The following EDIL3 variants were observed in gnomAD, a reference collection of about 807,000 sequenced individuals.
EDIL3 encodes the protein EGF-like repeat and discoidin I-like domain-containing protein 3.
In EDIL3, 37 loss-of-function variants were observed where a neutral mutation model predicts 67.4. That is an observed-to-expected ratio of 0.55 (90% CI 0.42 to 0.72). EDIL3 has a LOEUF of 0.72. EDIL3 is among the 30% of genes least tolerant of loss of function. The probability of loss-of-function intolerance (pLI) is 0.00; values close to 1 mark genes in which losing one functional copy is unlikely to be tolerated. For synonymous variants in EDIL3, 195 were observed against 196.3 expected, an observed-to-expected ratio of 0.99 and a Z score of 0.05; for missense variants, 527 against 586.3, an observed-to-expected ratio of 0.90 and a Z score of 1.04.
In EDIL3 at chr5:83,951,679, T is replaced by C. The variant is rs941827746; in HGVS notation, c.1294-8111A>G. ...TGACATGAAAGCTGGTTTGGGAACA[T>C]ATTTCTTCATTGGGAAAGAGAACTG... is the stretch of plus-strand genomic sequence containing the variant. On this transcript the variant is annotated intron_variant, in intron 10 of 10. Coordinates refer to ENST00000296591, the MANE Select transcript of EDIL3 (RefSeq NM_005711.5). Among the ~76,000 whole-genome samples the C allele has an allele frequency of 2.0e-4, 31 of 151,758 alleles. 2 individuals carry two copies. The highest frequency in any genetic ancestry group is 2.9e-5 in the Non-Finnish European group (2 of 67,814).
intron 2 of EDIL3, among the ~76,000 whole-genome samples, chr5:84,236,900 G>C (rs946602335): frequency 4.6e-5 from 7 of 151,630 alleles, no homozygotes; most frequent in African/African-American, 1.5e-4. Flanking sequence ...TAATATAAAT[G>C]ATTTCTCAGA....
intron 9 of EDIL3, among the ~76,000 whole-genome samples, chr5:83,972,225 G>A (rs1034037101): frequency 6.6e-6 from 1 of 152,110 alleles, no homozygotes; most frequent in Non-Finnish European, 1.5e-5. Context: ...GGTTTACTCT[G>A]TCTGCAAATG....
At chr5:84,343,384 C>G (rs1747164671) in intron 1 of EDIL3, among the ~76,000 whole-genome samples, 1 of 151,982 alleles carries the variant, frequency 6.6e-6, no homozygotes, top group South Asian at 2.1e-4. Flanking sequence ...AACAATGGAT[C>G]AGGTCTTTAA....
intron 6 of EDIL3, among the ~76,000 whole-genome samples, chr5:84,073,425 C>A (rs1203198775): frequency 1.3e-5 from 2 of 152,138 alleles, no homozygotes; most frequent in African/African-American, 4.8e-5. Flanking sequence ...TTGCAGATGA[C>A]ATGATTGTAT....
At chr5:84,015,962 G>T (rs1183728574) in intron 9 of EDIL3, among the ~76,000 whole-genome samples, 1 of 152,058 alleles carries the variant, frequency 6.6e-6, no homozygotes, top group Non-Finnish European at 1.5e-5. Context: ...TGGCATGGGG[G>T]TCTGTAGTAC....
chr5:84,139,984 G>T (rs948926758), intron 4 of EDIL3, among the ~76,000 whole-genome samples: 1 of 152,272 alleles, frequency 6.6e-6, no homozygotes, highest in African/African-American at 2.4e-5. Context: ...AGAGAATGTA[G>T]ATAGGGAACA....
intron 4 of EDIL3, among the ~76,000 whole-genome samples, chr5:84,174,218 C>T (rs939968885): frequency 1.3e-5 from 2 of 152,184 alleles, no homozygotes; most frequent in Admixed American, 6.5e-5. Flanking sequence ...TTCACTGCCT[C>T]TCCTGCAGAG....
intron 9 of EDIL3, among the ~76,000 whole-genome samples, chr5:83,972,149 A>G (rs1325501227): frequency 6.6e-6 from 1 of 152,148 alleles, no homozygotes; most frequent in Non-Finnish European, 1.5e-5. Context: ...TTCATATTTT[A>G]GGATTAAGTA....
intron 4 of EDIL3, among the ~76,000 whole-genome samples, chr5:84,148,365 T>A (rs1275963455): frequency 6.6e-6 from 1 of 152,116 alleles, no homozygotes; most frequent in African/African-American, 2.4e-5. Flanking sequence ...AAAGGCAGCA[T>A]TTATCCAAAA....
chr5:84,196,383 A>T (rs767499451), intron 3 of EDIL3, among the ~76,000 whole-genome samples: 3 of 152,112 alleles, frequency 2.0e-5, no homozygotes, highest in Non-Finnish European at 2.9e-5. Context: ...TACCCAGAAA[A>T]GTTCTACTTA....
intron 6 of EDIL3, among the ~76,000 whole-genome samples, chr5:84,069,743 C>T (rs375929138): frequency 1.1e-4 from 16 of 152,220 alleles, no homozygotes; most frequent in Middle Eastern, 3.4e-3. Flanking sequence ...GTTCCACCCT[C>T]GGGCCTGTGC....
chr5:84,109,136 A>G (rs935551401), intron 5 of EDIL3, among the ~76,000 whole-genome samples: 2 of 152,168 alleles, frequency 1.3e-5, no homozygotes, highest in South Asian at 2.1e-4. Context: ...TTGAAAATAT[A>G]TATGTGCAAC....
At chr5:84,176,828 A>T (rs1020390183) in intron 4 of EDIL3, among the ~76,000 whole-genome samples, 7 of 130,480 alleles carry the variant, frequency 5.4e-5, no homozygotes, top group African/African-American at 1.3e-4. Flanking sequence ...TATATATATA[A>T]AATTTGATAA....
At chr5:83,950,247 T>C (rs1744394757) in intron 10 of EDIL3, among the ~76,000 whole-genome samples, 1 of 151,870 alleles carries the variant, frequency 6.6e-6, no homozygotes, top group South Asian at 2.1e-4. Flanking sequence ...ATTTTAGTTG[T>C]GTTTGTGAGT....
At chr5:84,108,255 C>G (rs1484869457) in intron 5 of EDIL3, among the ~76,000 whole-genome samples, 1 of 151,790 alleles carries the variant, frequency 6.6e-6, no homozygotes, top group Non-Finnish European at 1.5e-5. Context: ...GTAAGTAGCT[C>G]TGATGGCTTT....
At chr5:84,378,041 T>C (rs550994375) in intron 1 of EDIL3, among the ~76,000 whole-genome samples, 289 of 152,352 alleles carry the variant, frequency 1.9e-3, no homozygotes, top group African/African-American at 6.5e-3. Flanking sequence ...ATCTACATTG[T>C]AAGGTCTACT....
rs1004582301 is a variant in EDIL3 at position 84,291,664 on chromosome 5, ATATATATCTATCTATATAGATATATC to A, written c.68-37478_68-37453del. Among the ~76,000 whole-genome samples, 6 of 141,802 alleles carry A rather than the reference ATATATATCTATCTATATAGATATATC, an allele frequency of 4.2e-5. No individual in the cohort carries two copies. In the East Asian group the frequency reaches 5.9e-4, roughly 14 times the overall value. 93.0% of individuals were successfully genotyped at this position (141,802 alleles called of 152,430 possible). ...TATCTATCTATATCTATATATCTAT[ATATATATCTATCTATATAGATATATC>A]TATATATCTATCTATGTAGATCTAT... On this transcript the variant is annotated intron_variant, in intron 1 of 10. Transcript: ENST00000296591.
chr5:84,261,893 A>C (rs1745228359), intron 1 of EDIL3, among the ~76,000 whole-genome samples: 1 of 152,158 alleles, frequency 6.6e-6, no homozygotes, highest in Non-Finnish European at 1.5e-5. Flanking sequence ...CTAGGTTTTC[A>C]AATGCTAAGG....
rs562358920 is a variant in EDIL3 at position 83,942,838 on chromosome 5, A to G, written c.*581T>C. Reference sequence around the variant, plus strand: ...AACTAAAAGAAAAAGAAGTCACATAATCTCTTATTAGAAATAATGAAAGTA... The same window carrying G: ...AACTAAAAGAAAAAGAAGTCACATAGTCTCTTATTAGAAATAATGAAAGTA... On this transcript the variant is annotated 3_prime_UTR_variant, in exon 11 of 11. Coordinates refer to ENST00000296591, the MANE Select transcript of EDIL3 (RefSeq NM_005711.5). 6.5e-6 allele frequency: 1 copy of G among 152,756 alleles called. No homozygotes were observed. The highest frequency in any genetic ancestry group is 2.1e-4 in the South Asian group (1 of 4,836). 9.5% of individuals were successfully genotyped at this position (152,756 alleles called of 1,614,324 possible).
Sources: allele counts gnomAD v4.1 joint callset (sites outside exome capture counted in the v4.1 genomes callset), GRCh38; gene constraint gnomAD v4.1.1; transcripts MANE v1.5; gene names NCBI Gene and HGNC (gene_info 2026-07-23, HGNC 2026-07-21).